Variants in ZCCHC7 observed in about 807,000 individuals in gnomAD.
The protein encoded by ZCCHC7 is zinc finger CCHC domain-containing protein 7.
A neutral mutation model predicts 52.0 loss-of-function variants in ZCCHC7; 35 were observed. The ratio of observed to expected loss-of-function variants is 0.67; its 90% confidence interval spans 0.51 to 0.89. The LOEUF (loss-of-function observed/expected upper bound fraction) is 0.89. ZCCHC7 is among the 40% of genes least tolerant of loss of function. The probability of loss-of-function intolerance (pLI) is 0.00; values close to 1 mark genes in which losing one functional copy is unlikely to be tolerated. For missense variants in ZCCHC7, 574 were observed against 649.1 expected (o/e 0.88, Z 1.26); for synonymous variants, 217 against 221.5 (o/e 0.98, Z 0.18).
At chr9:37,276,978 C>A (rs952890938) in intron 2 of ZCCHC7, among the ~76,000 whole-genome samples, 1 of 152,106 alleles carries the variant, frequency 6.6e-6, no homozygotes, top group Non-Finnish European at 1.5e-5. Flanking sequence ...CACTCCAGCC[C>A]AAAGTACCTT....
chr9:37,329,865 C>G, intron 6 of ZCCHC7, among the ~76,000 whole-genome samples: 1 of 151,820 alleles, frequency 6.6e-6, no homozygotes, highest in East Asian at 1.9e-4. Flanking sequence ...AGAATTGTTA[C>G]TACTTATTCA....
At chr9:37,287,027 T>C (rs79780760) in intron 2 of ZCCHC7, among the ~76,000 whole-genome samples, 829 of 1,486 alleles carry the variant, frequency 0.56, 290 homozygotes, top group Middle Eastern at 1. Context: ...CTCCCTCCCT[T>C]CCTTCCTCTC....
intron 2 of ZCCHC7, among the ~76,000 whole-genome samples, chr9:37,160,495 G>A (rs1821037761): frequency 2.6e-5 from 4 of 152,154 alleles, no homozygotes; most frequent in African/African-American, 9.7e-5. Context: ...TCAAGCCTGG[G>A]CAACAGAGTG....
At chr9:37,143,334 A>G (rs922104851) in intron 2 of ZCCHC7, among the ~76,000 whole-genome samples, 5 of 151,980 alleles carry the variant, frequency 3.3e-5, no homozygotes, top group South Asian at 4.1e-4. Flanking sequence ...AGGTAAGCCA[A>G]TGATGGTAAA....
chr9:37,168,692 G>GTT (rs1261855269), intron 2 of ZCCHC7, among the ~76,000 whole-genome samples: 1 of 152,096 alleles, frequency 6.6e-6, no homozygotes, highest in Non-Finnish European at 1.5e-5. Context: ...GAGCCCAGGA[G>GTT]TTCAAGACTA....
chr9:37,282,132 T>A (rs1262374609), intron 2 of ZCCHC7, among the ~76,000 whole-genome samples: 1 of 152,174 alleles, frequency 6.6e-6, no homozygotes. Context: ...GTACCCTCCA[T>A]GTTTTCTATC....
In ZCCHC7 at chr9:37,358,024, T is replaced by A. The variant is rs1211590070; in HGVS notation, c.*756T>A. On this transcript the variant is annotated 3_prime_UTR_variant, in exon 9 of 9. Coordinates refer to ENST00000336755, the MANE Select transcript of ZCCHC7 (RefSeq NM_032226.3). ...GCAGAGATGAATATTACTCAAAAAATTTTTTTGTTCTCTTGCATTTTTTTC... is the reference window on the plus strand; with the variant it reads ...GCAGAGATGAATATTACTCAAAAAAATTTTTTGTTCTCTTGCATTTTTTTC... 1.3e-5 allele frequency: 2 copies of A among 152,150 alleles called. No homozygotes were observed. Among genetic ancestry groups the A allele is most frequent in the South Asian group, 2.1e-4 (1 of 4,830 alleles). 9.4% of individuals were successfully genotyped at this position (152,150 alleles called of 1,614,324 possible).
chr9:37,182,884 G>A (rs1364378478), intron 2 of ZCCHC7, among the ~76,000 whole-genome samples: 1 of 152,160 alleles, frequency 6.6e-6, no homozygotes, highest in Non-Finnish European at 1.5e-5. Flanking sequence ...TACTCAGCAG[G>A]CTGAGGCAGG....
chr9:37,233,515 A>G (rs2133322901), intron 2 of ZCCHC7, among the ~76,000 whole-genome samples: 1 of 152,338 alleles, frequency 6.6e-6, no homozygotes, highest in South Asian at 2.1e-4. Flanking sequence ...TTAAATAATG[A>G]GATCACAACT....
At chr9:37,303,750 G>C (rs561930989) in intron 3 of ZCCHC7, among the ~76,000 whole-genome samples, 3 of 125,968 alleles carry the variant, frequency 2.4e-5, no homozygotes, top group South Asian at 2.8e-4. Flanking sequence ...CACATCCTCC[G>C]CCTCCCAGGC....
chr9:37,173,066 C>T (rs1821827301), intron 2 of ZCCHC7, among the ~76,000 whole-genome samples: 1 of 151,584 alleles, frequency 6.6e-6, no homozygotes, highest in South Asian at 2.1e-4. Context: ...GCAACGTGGG[C>T]ATTCCAATAG....
At chr9:37,287,299 A>G (rs1016555026) in intron 2 of ZCCHC7, among the ~76,000 whole-genome samples, 1 of 151,806 alleles carries the variant, frequency 6.6e-6, no homozygotes, top group Non-Finnish European at 1.5e-5. Flanking sequence ...AATTTCTTCA[A>G]AAATCAGGAT....
intron 2 of ZCCHC7, among the ~76,000 whole-genome samples, chr9:37,261,349 C>T (rs1053061292): frequency 6.6e-6 from 1 of 152,170 alleles, no homozygotes. Context: ...AACACACAGA[C>T]CCCAGATTGC....
intron 2 of ZCCHC7, among the ~76,000 whole-genome samples, chr9:37,219,064 C>A (rs560812787): frequency 8.7e-4 from 132 of 151,488 alleles, no homozygotes; most frequent in African/African-American, 3.1e-3. Flanking sequence ...TTCCATCCCC[C>A]CTAAAAAAGA....
intron 2 of ZCCHC7, among the ~76,000 whole-genome samples, chr9:37,194,551 G>C (rs1251117691): frequency 6.6e-6 from 1 of 152,186 alleles, no homozygotes; most frequent in African/African-American, 2.4e-5. Context: ...GGAGGATTGG[G>C]ATAGAGCTTG....
At chr9:37,196,956 A>C (rs1468881828) in intron 2 of ZCCHC7, among the ~76,000 whole-genome samples, 1 of 152,196 alleles carries the variant, frequency 6.6e-6, no homozygotes, top group African/African-American at 2.4e-5. Flanking sequence ...TATTTTAGTC[A>C]TTATTAAAAT....
intron 2 of ZCCHC7, among the ~76,000 whole-genome samples, chr9:37,271,446 AG>A (rs1827406753): frequency 6.6e-6 from 1 of 152,224 alleles, no homozygotes; most frequent in Non-Finnish European, 1.5e-5. Context: ...GATCTTATAA[AG>A]CATATATATT....
intron 2 of ZCCHC7, among the ~76,000 whole-genome samples, chr9:37,163,194 T>A (rs1821203085): frequency 6.6e-6 from 1 of 151,604 alleles, no homozygotes; most frequent in South Asian, 2.1e-4. Flanking sequence ...AGTGAGACTC[T>A]GTCTCAAAAA....
At chr9:37,333,152 T>C (rs1315156318) in intron 6 of ZCCHC7, among the ~76,000 whole-genome samples, 1 of 151,714 alleles carries the variant, frequency 6.6e-6, no homozygotes, top group Non-Finnish European at 1.5e-5. Context: ...TCAAGTACTT[T>C]ATGATGGTAA....
Sources: gnomAD v4.1 joint callset for allele counts (sites outside exome capture counted in the v4.1 genomes callset) on GRCh38, gnomAD v4.1.1 for gene constraint, MANE v1.5 for transcripts, NCBI Gene and HGNC (gene_info 2026-07-23, HGNC 2026-07-21) for gene names.